The following PDE8B variants were observed in gnomAD, a reference collection of about 807,000 sequenced individuals.
PDE8B encodes phosphodiesterase 8B, also known as high affinity cAMP-specific and IBMX-insensitive 3',5'-cyclic phosphodiesterase 8B.
A neutral mutation model predicts 101.3 loss-of-function variants in PDE8B; 26 were observed. The observed-to-expected ratio is 0.26, with a 90% CI of 0.19 to 0.36. The LOEUF (loss-of-function observed/expected upper bound fraction) is 0.36, where lower values mean the gene tolerates loss of function less well. Among genes scored for constraint, PDE8B ranks in the 10% least tolerant of loss-of-function variants. PDE8B has a pLI of 1.00. For missense variants in PDE8B, 810 were observed against 1,163.1 expected (o/e 0.70, Z 4.42); for synonymous variants, 424 against 429.3 (o/e 0.99, Z 0.15).
intron 1 of PDE8B, among the ~76,000 whole-genome samples, chr5:77,247,296 T>G (rs1757142447): frequency 6.6e-6 from 1 of 152,194 alleles, no homozygotes; most frequent in African/African-American, 2.4e-5. Flanking sequence ...GCCAGCCCTT[T>G]CAGAGGCTCC....
intron 10 of PDE8B, among the ~76,000 whole-genome samples, chr5:77,384,190 G>T (rs578250235): frequency 1.3e-5 from 2 of 152,180 alleles, no homozygotes; most frequent in South Asian, 2.1e-4. Flanking sequence ...TCCTTGAAAA[G>T]GTCCTTCACA....
Position 77,211,332 on chromosome 5 carries a change from G to T in PDE8B, c.339+68G>T. 2.1e-6 allele frequency: 3 copies of T among 1,447,818 alleles called. No homozygotes were observed. Among genetic ancestry groups the T allele is most frequent in the Non-Finnish European group, 2.8e-6 (3 of 1,085,546 alleles). 89.7% of individuals were successfully genotyped at this position (1,447,818 alleles called of 1,614,324 possible). A position where few individuals can be genotyped will look rare whatever the true frequency, so the allele number is the denominator to read the frequency against. On this transcript the variant is annotated intron_variant, in intron 1 of 21. Transcript: ENST00000264917. The surrounding 1 kb of genome is among the most constrained non-coding windows in gnomAD (Gnocchi z 4.1). ...CCGTCGGCGGGGCTCGCACGGGTAG[G>T]GGGCTCCGGCGGAGTTGGGTGACCG...
intron 1 of PDE8B, among the ~76,000 whole-genome samples, chr5:77,245,666 T>G (rs1756708742): frequency 6.6e-6 from 1 of 152,240 alleles, no homozygotes. Flanking sequence ...GGCTATGCAC[T>G]TATTTGACCC....
At chr5:77,116,821 T>G in the PDE8B span, among the ~76,000 whole-genome samples, 20 of 152,332 alleles carry the variant, frequency 1.3e-4, no homozygotes, top group Admixed American at 5.2e-4. Context: ...CCCAAAGTTG[T>G]ACTGTTTGTG....
chr5:77,405,569 G>T (rs1793254870), intron 12 of PDE8B, among the ~76,000 whole-genome samples: 1 of 152,102 alleles, frequency 6.6e-6, no homozygotes, highest in African/African-American at 2.4e-5. Context: ...CATCTCTAAG[G>T]GGTGTGTGAT....
At chr5:77,110,228 C>T in the PDE8B span, among the ~76,000 whole-genome samples, 2 of 151,944 alleles carry the variant, frequency 1.3e-5, no homozygotes, top group East Asian at 3.9e-4. Flanking sequence ...TGTGAGCCAC[C>T]GTGTCCGGCC....
chr5:77,212,673 A>G (rs1279827443), intron 1 of PDE8B, among the ~76,000 whole-genome samples: 3 of 152,214 alleles, frequency 2.0e-5, no homozygotes, highest in Non-Finnish European at 4.4e-5. Context: ...GATTTATGAC[A>G]GTACAAACCT....
chr5:77,350,561 C>G (rs1382984873), intron 8 of PDE8B, among the ~76,000 whole-genome samples: 1 of 151,998 alleles, frequency 6.6e-6, no homozygotes, highest in Non-Finnish European at 1.5e-5. Context: ...GAGTAACCCC[C>G]GAGAAGCCTT....
chr5:77,130,151 TGAGGG>T, the PDE8B span, among the ~76,000 whole-genome samples: 2 of 151,444 alleles, frequency 1.3e-5, no homozygotes, highest in Non-Finnish European at 2.9e-5. Flanking sequence ...GGGGCGGGGG[TGAGGG>T]AGGGGAACTA....
At chr5:77,282,601 A>G (rs1765226729) in intron 1 of PDE8B, among the ~76,000 whole-genome samples, 1 of 151,960 alleles carries the variant, frequency 6.6e-6, no homozygotes, top group Admixed American at 6.5e-5. Flanking sequence ...GGTACCCTCT[A>G]GAGCCTCCTA....
Position 77,413,151 on chromosome 5 carries a change from G to A in PDE8B, c.1753G>A (p.Gly585Arg), listed in dbSNP as rs1419952317. 1 of 1,614,066 alleles carries A rather than the reference G, an allele frequency of 6.2e-7. No homozygotes were observed. The highest frequency in any genetic ancestry group is 8.5e-7 in the Non-Finnish European group (1 of 1,179,988). ...GGGCTTAAAGGTCTTCTCTCGGTTT[G>A]GAGTATGTGAATTTTTAAACTGTTC... ...YLGLKVFSRF[G>R]VCEFLNCSET... The change falls in exon 17 of 22, where the codon GGA becomes AGA. Residue 585 changes from glycine (G) to arginine (R), a missense_variant. This residue lies in a region of PDE8B where 325 missense variants were observed against 560.9 expected (regional missense o/e 0.58). Coordinates refer to ENST00000264917, the MANE Select transcript of PDE8B (RefSeq NM_003719.5).
the PDE8B span, among the ~76,000 whole-genome samples, chr5:77,099,502 G>A: frequency 3.3e-5 from 5 of 152,356 alleles, no homozygotes; most frequent in African/African-American, 9.6e-5. Context: ...ACTGCTGTGT[G>A]TTACTGGCCT....
At chr5:77,224,142 A>G (rs1469979406) in intron 1 of PDE8B, among the ~76,000 whole-genome samples, 1 of 152,156 alleles carries the variant, frequency 6.6e-6, no homozygotes, top group Admixed American at 6.5e-5. Flanking sequence ...TGTTGGTTCT[A>G]TGGCTTAGCT....
the PDE8B span, among the ~76,000 whole-genome samples, chr5:77,111,493 C>T: frequency 1.3e-5 from 2 of 152,122 alleles, no homozygotes; most frequent in South Asian, 4.1e-4. Context: ...ACAGGGCTCC[C>T]TGACTGCAGA....
chr5:77,303,181 A>G (rs967943318), intron 1 of PDE8B, among the ~76,000 whole-genome samples: 3 of 152,202 alleles, frequency 2.0e-5, no homozygotes, highest in African/African-American at 7.2e-5. Context: ...AAATATCTAC[A>G]TATACAAGAA....
At chr5:77,174,167 A>G in the PDE8B span, among the ~76,000 whole-genome samples, 1 of 152,108 alleles carries the variant, frequency 6.6e-6, no homozygotes, top group African/African-American at 2.4e-5. Context: ...TCACCCAAAT[A>G]CTTCCCTTCA....
chr5:77,405,141 C>G (rs1462990396), intron 12 of PDE8B, among the ~76,000 whole-genome samples: 7 of 152,224 alleles, frequency 4.6e-5, no homozygotes, highest in Admixed American at 6.5e-5. Context: ...GGCTTCCCAA[C>G]TCCCAACACA....
chr5:77,419,459 T>C (rs148933767), intron 18 of PDE8B, among the ~76,000 whole-genome samples: 235 of 152,328 alleles, frequency 1.5e-3, no homozygotes, highest in African/African-American at 5.4e-3. Context: ...CTTACTGTTT[T>C]GATGTTCTCA....
At chr5:77,339,414 C>T (rs879941789) in intron 6 of PDE8B, among the ~76,000 whole-genome samples, 2 of 152,112 alleles carry the variant, frequency 1.3e-5, no homozygotes, top group Non-Finnish European at 1.5e-5. Flanking sequence ...TGGGTTCTGC[C>T]TCAACCTTAT....
Sources: allele counts gnomAD v4.1 joint callset (sites outside exome capture counted in the v4.1 genomes callset), GRCh38; gene constraint gnomAD v4.1.1; regional missense constraint gnomAD v4.1.1; non-coding constraint Gnocchi (gnomAD v3.1); transcripts MANE v1.5; gene names NCBI Gene and HGNC (gene_info 2026-07-23, HGNC 2026-07-21).